The following TNS3 variants were observed in gnomAD, a reference collection of about 807,000 sequenced individuals.
The protein encoded by TNS3 is tensin-3.
TNS3 carries 45 observed loss-of-function variants against 140.9 expected under a neutral mutation model. The observed-to-expected ratio is 0.32, with a 90% CI of 0.25 to 0.41. The LOEUF (loss-of-function observed/expected upper bound fraction) is 0.41, where lower values mean the gene tolerates loss of function less well. Among genes scored for constraint, TNS3 ranks in the 10% least tolerant of loss-of-function variants. The pLI, the probability that TNS3 is intolerant of heterozygous loss-of-function variation, is 1.00. For missense variants in TNS3, 1,716 were observed against 1,906.7 expected, an observed-to-expected ratio of 0.90 and a Z score of 1.86; for synonymous variants, 815 against 788.4, an observed-to-expected ratio of 1.03 and a Z score of -0.56.
intron 28 of TNS3, among the ~76,000 whole-genome samples, chr7:47,282,786 G>A (rs900237642): frequency 4.6e-5 from 7 of 152,188 alleles, no homozygotes; most frequent in Non-Finnish European, 8.8e-5. Flanking sequence ...GCAGATGAAG[G>A]GTGATGAGCT....
chr7:47,379,579 T>C (rs1223399525), intron 16 of TNS3, among the ~76,000 whole-genome samples: 1 of 136,448 alleles, frequency 7.3e-6, no homozygotes, highest in Non-Finnish European at 1.6e-5. Context: ...AATGTGCCCT[T>C]TTCCTCTTTT....
intron 17 of TNS3, among the ~76,000 whole-genome samples, chr7:47,355,116 G>A (rs1424974939): frequency 6.6e-6 from 1 of 152,232 alleles, no homozygotes; most frequent in Non-Finnish European, 1.5e-5. Flanking sequence ...CGGCGTCAAG[G>A]ACAGATAAGG....
chr7:47,315,034 C>T (rs563067512), intron 20 of TNS3, among the ~76,000 whole-genome samples: 1 of 152,230 alleles, frequency 6.6e-6, no homozygotes, highest in East Asian at 1.9e-4. Flanking sequence ...GTTTCCACAA[C>T]GTGGGAGGCT....
At position 47,280,306 on chromosome 7, in the gene TNS3, G is replaced by A; in HGVS notation, c.4146C>T (p.Ala1382=). Residue 1382 remains alanine (A), a synonymous_variant, in exon 29 of 31, where the codon GCC becomes GCT. Transcript: ENST00000311160. Reference sequence around the variant, plus strand: ...CTTACTTCCTGTCTTGTGGGTCCAAGGCACAGAAAATCACACTGTTCACGG... The same window carrying A: ...CTTACTTCCTGTCTTGTGGGTCCAAAGCACAGAAAATCACACTGTTCACGG... ...HYPVNSVIFC[A]LDPQDRKWIK... 6.2e-7 allele frequency: 1 copy of A among 1,614,178 alleles called. No homozygotes were observed. Among genetic ancestry groups the A allele is most frequent in the African/African-American group, 1.3e-5 (1 of 75,040 alleles).
At chr7:47,327,737 G>A (rs746961070) in intron 20 of TNS3, among the ~76,000 whole-genome samples, 1 of 152,202 alleles carries the variant, frequency 6.6e-6, no homozygotes, top group South Asian at 2.1e-4. Flanking sequence ...CTTGAGAACT[G>A]TCATCAAGTG....
intron 4 of TNS3, among the ~76,000 whole-genome samples, chr7:47,455,182 C>T (rs930529552): frequency 3.3e-5 from 5 of 152,218 alleles, no homozygotes; most frequent in South Asian, 2.1e-4. Flanking sequence ...AGAGATAGGT[C>T]TCTGGCCCTG....
intron 3 of TNS3, among the ~76,000 whole-genome samples, chr7:47,489,661 T>C (rs1024662725): frequency 7.9e-5 from 12 of 152,250 alleles, no homozygotes; most frequent in Non-Finnish European, 1.3e-4. Context: ...TAGTATCCTG[T>C]ATCCATTATG....
chr7:47,291,503 G>A (rs1447991192), intron 27 of TNS3, among the ~76,000 whole-genome samples: 1 of 77,048 alleles, frequency 1.3e-5, no homozygotes, highest in Non-Finnish European at 2.6e-5. Flanking sequence ...GAAACTCTAT[G>A]AATAATTTTT....
chr7:47,498,265 C>G (rs1299397277), intron 3 of TNS3, among the ~76,000 whole-genome samples: 1 of 152,240 alleles, frequency 6.6e-6, no homozygotes, highest in African/African-American at 2.4e-5. Flanking sequence ...CCTACCCTCC[C>G]ATGTAACCAC....
chr7:47,541,948 CA>C (rs11314197), intron 1 of TNS3, among the ~76,000 whole-genome samples: 9,724 of 130,592 alleles, frequency 0.074, 1,174 homozygotes, highest in African/African-American at 0.26. Flanking sequence ...GACTCCATCT[CA>C]AAAAAAAAAA....
intron 3 of TNS3, among the ~76,000 whole-genome samples, chr7:47,494,531 C>A (rs1373126046): frequency 6.6e-6 from 1 of 152,194 alleles, no homozygotes; most frequent in East Asian, 1.9e-4. Flanking sequence ...ATTCTAAAGA[C>A]CTTCTGAACA....
intron 6 of TNS3, 78 bp from the exon 7 acceptor site, chr7:47,437,391 A>T (rs1025585199): frequency 2.3e-5 from 13 of 570,614 alleles, no homozygotes; most frequent in Non-Finnish European, 3.3e-5. Flanking sequence ...TTTTTATTTA[A>T]TTTTAATTAA....
intron 4 of TNS3, among the ~76,000 whole-genome samples, chr7:47,472,202 C>T (rs1796983063): frequency 6.6e-6 from 1 of 152,234 alleles, no homozygotes. Context: ...TCTAATCCAG[C>T]ATGACCTCAT....
At chr7:47,450,665 A>G (rs1350040803) in intron 4 of TNS3, among the ~76,000 whole-genome samples, 2 of 152,208 alleles carry the variant, frequency 1.3e-5, no homozygotes, top group African/African-American at 2.4e-5. Flanking sequence ...GGTCTCCACT[A>G]TCTGCCAGGC....
rs115995222 is a variant in TNS3, at chr7:47,408,785, G to C, written c.723+2942C>G. On this transcript the variant is annotated intron_variant, in intron 13 of 30. Transcript: ENST00000311160. Reference sequence around the variant, plus strand: ...CATCCTTACAACAGCATCAGCCTTTGTGGGTGCCTCAAGCCTGGGATGCTT... The same window carrying C: ...CATCCTTACAACAGCATCAGCCTTTCTGGGTGCCTCAAGCCTGGGATGCTT... Among the ~76,000 whole-genome samples the C allele has an allele frequency of 6.3e-3, 958 of 152,262 alleles. 5 individuals are homozygous for C. The highest frequency in any genetic ancestry group is 0.021 in the African/African-American group (890 of 41,550).
rs1584722129 is a variant in TNS3 at position 47,466,866 on chromosome 7, C to CTTTATTTGGAGTTT, written c.-76+14236_-76+14237insAAACTCCAAATAAA. 2.0e-5 allele frequency among the ~76,000 whole-genome samples: 3 copies of CTTTATTTGGAGTTT among 152,204 alleles called. No homozygotes were observed. In the East Asian group the frequency reaches 5.8e-4, roughly 29 times the overall value. ...TCTTTCAATACAACTTTCCCTCTTCCTTTATTTGGAAACTCCAAAGAACAG... is the reference window on the plus strand; with the variant it reads ...TCTTTCAATACAACTTTCCCTCTTCCTTTATTTGGAGTTTTTTATTTGGAAACTCCAAAGAACAG... On this transcript the variant is annotated intron_variant, in intron 4 of 30. Transcript: ENST00000311160.
At chr7:47,341,983 A>G (rs1022056749) in intron 20 of TNS3, among the ~76,000 whole-genome samples, 2 of 152,040 alleles carry the variant, frequency 1.3e-5, no homozygotes, top group African/African-American at 4.8e-5. Flanking sequence ...GATTATTTAT[A>G]AGTGTGCTGT....
chr7:47,380,962 A>G (rs1446984911), intron 16 of TNS3, among the ~76,000 whole-genome samples: 1 of 152,168 alleles, frequency 6.6e-6, no homozygotes, highest in Non-Finnish European at 1.5e-5. Context: ...GTAGAAGGTA[A>G]AAGATCTCCT....
At chr7:47,356,127 C>G (rs1366327152) in intron 17 of TNS3, among the ~76,000 whole-genome samples, 1 of 152,198 alleles carries the variant, frequency 6.6e-6, no homozygotes. Context: ...CACCCTGCGG[C>G]ACGTTCCAGC....
Sources: gnomAD v4.1 joint callset for allele counts (sites outside exome capture counted in the v4.1 genomes callset) on GRCh38, gnomAD v4.1.1 for gene constraint, MANE v1.5 for transcripts, NCBI Gene and HGNC (gene_info 2026-07-23, HGNC 2026-07-21) for gene names.